The following ANPEP variants were observed in gnomAD, a reference collection of about 807,000 sequenced individuals.
ANPEP encodes aminopeptidase N.
ANPEP carries 70 observed loss-of-function variants against 114.6 expected under a neutral mutation model. That is an observed-to-expected ratio of 0.61 (90% CI 0.50 to 0.75). ANPEP has a LOEUF of 0.75. Among genes scored for constraint, ANPEP ranks in the 30% least tolerant of loss-of-function variants. The pLI, the probability that ANPEP is intolerant of heterozygous loss-of-function variation, is 0.00. For synonymous variants in ANPEP, 548 were observed against 522.3 expected, an observed-to-expected ratio of 1.05 and a Z score of -0.67; for missense variants, 1,184 against 1,259.5, an observed-to-expected ratio of 0.94 and a Z score of 0.91.
intron 20 of ANPEP, 25 bp from the exon 21 acceptor site, chr15:89,785,526 A>G (rs976333861): frequency 2.5e-5 from 40 of 1,586,656 alleles, no homozygotes; most frequent in Non-Finnish European, 3.4e-5. Context: ...AAAGATTCTC[A>G]GTCCGGCTGG....
At chr15:89,792,860 G>C (rs1206520291) in intron 16 of ANPEP, among the ~76,000 whole-genome samples, 175 bp downstream of exon 16, 1 of 152,206 alleles carries the variant, frequency 6.6e-6, no homozygotes, top group Non-Finnish European at 1.5e-5. Flanking sequence ...AAAGAGGTCC[G>C]ATGGGCCCTC....
intron 20 of ANPEP, among the ~76,000 whole-genome samples, chr15:89,786,386 C>CTTTTTTTT (rs57614547): frequency 6.1e-5 from 8 of 130,556 alleles, no homozygotes; most frequent in African/African-American, 1.8e-4. Context: ...ATTTTAACTA[C>CTTTTTTTT]TTTTTTTTTT....
intron 18 of ANPEP, 78 bp downstream of exon 18, chr15:89,792,082 G>A: frequency 6.6e-7 from 1 of 1,517,492 alleles, no homozygotes; most frequent in Non-Finnish European, 9.0e-7. Flanking sequence ...TGAAGGATCT[G>A]GCGAGGAGTG....
At chr15:89,787,498 A>G (rs575029910) in intron 20 of ANPEP, among the ~76,000 whole-genome samples, 1,797 of 152,358 alleles carry the variant, frequency 0.012, 34 homozygotes, top group African/African-American at 0.041. Flanking sequence ...GGGAAAAAAA[A>G]CAGATAAATA....
intron 4 of ANPEP, 144 bp downstream of exon 4, chr15:89,804,934 C>A (rs1387341780): frequency 3.3e-6 from 4 of 1,215,872 alleles, no homozygotes; most frequent in Non-Finnish European, 4.6e-6. Context: ...AACCAGAGAA[C>A]AAGACACTTG....
intron 1 of ANPEP, among the ~76,000 whole-genome samples, chr15:89,814,020 T>C (rs914178564): frequency 6.8e-6 from 1 of 147,348 alleles, no homozygotes; most frequent in African/African-American, 2.6e-5. Context: ...CTGGAGTCAT[T>C]TGGGGAAAGG....
rs1417840848 is a variant in ANPEP at position 89,803,850 on chromosome 15, C to T, written c.1293+39G>A. The T allele has an allele frequency of 1.2e-6, 2 of 1,613,786 alleles. No individual in the cohort carries two copies. The highest frequency in any genetic ancestry group is 2.2e-5 in the South Asian group (2 of 91,050). On this transcript the variant is annotated intron_variant, in intron 7 of 20. Coordinates refer to ENST00000300060, the MANE Select transcript of ANPEP (RefSeq NM_001150.3). This position sits in a 1 kb window ranked among gnomAD's most constrained non-coding sequence, Gnocchi z 4.2. ...TGGTAGCGGTGGCCCAGGTCTCCCT[C>T]CATGCCCCCCGCACCAGACCCCTGG...
chr15:89,813,512 G>A (rs542812482), intron 1 of ANPEP, among the ~76,000 whole-genome samples: 2 of 152,162 alleles, frequency 1.3e-5, no homozygotes, highest in Non-Finnish European at 2.9e-5. Context: ...TGCACTCATA[G>A]TGTGGCCTTC....
At chr15:89,810,526 G>T (rs564230751) in intron 1 of ANPEP, among the ~76,000 whole-genome samples, 2 of 152,004 alleles carry the variant, frequency 1.3e-5, no homozygotes, top group Admixed American at 6.6e-5. Flanking sequence ...GGCGGAGATC[G>T]TGCCACTACA....
intron 1 of ANPEP, among the ~76,000 whole-genome samples, chr15:89,811,556 G>A (rs1894815637): frequency 6.6e-6 from 1 of 151,350 alleles, no homozygotes; most frequent in South Asian, 2.1e-4. Flanking sequence ...TGAGGCAGGA[G>A]AATGGCATGA....
In ANPEP at chr15:89,805,450, TA is replaced by T; in HGVS notation, c.627del (p.Thr210HisfsTer20). On this transcript the variant is annotated frameshift_variant, in exon 3 of 21. Transcript: ENST00000300060. LOFTEE classifies it high-confidence loss of function. ...MEGNVRKVVA[T>X]TQMQAADARK... ...CGGGCATCTGCAGCCTGCATCTGTG[TA>T]GTGGCCACCACCCTGCCCCAACAGG... is the stretch of plus-strand genomic sequence containing the variant. 6.2e-7 allele frequency: 1 copy of T among 1,614,076 alleles called. No homozygotes were observed. The highest frequency in any genetic ancestry group is 8.5e-7 in the Non-Finnish European group (1 of 1,179,990).
chr15:89,787,040 CTTTTTTT>C (rs1015822999), intron 20 of ANPEP, among the ~76,000 whole-genome samples: 5 of 91,064 alleles, frequency 5.5e-5, no homozygotes, highest in Admixed American at 1.5e-4. Flanking sequence ...TAATAAAACT[CTTTTTTT>C]TTTTTTTTTT....
At chr15:89,813,445 G>A (rs1381517316) in intron 1 of ANPEP, among the ~76,000 whole-genome samples, 1 of 152,224 alleles carries the variant, frequency 6.6e-6, no homozygotes, top group Non-Finnish European at 1.5e-5. Flanking sequence ...GCTGCCTCAA[G>A]ACACTGGGCC....
chr15:89,803,411 C>T lies in ANPEP; in HGVS notation c.1503+31G>A. On this transcript the variant is annotated intron_variant, in intron 9 of 20. Coordinates refer to ENST00000300060, the MANE Select transcript of ANPEP (RefSeq NM_001150.3). This position sits in a 1 kb window ranked among gnomAD's most constrained non-coding sequence, Gnocchi z 4.2. ...GGGCGAGGGGCAGAAGGAGACCCAC[C>T]CTCATGGCTGGCCCAGGGTGCAGTA... The T allele has an allele frequency of 6.2e-7, 1 of 1,611,442 alleles. No individual in the cohort carries two copies.
rs1249395554 is a variant in ANPEP, at chr15:89,804,383, T to C, written c.1049A>G (p.Asn350Ser). Residue 350 changes from asparagine (N) to serine (S), a missense_variant, in exon 6 of 21, where the codon AAC (asparagine) becomes AGC (serine). By Grantham distance (46) the Asn-to-Ser change is conservative. Coordinates refer to ENST00000300060, the MANE Select transcript of ANPEP (RefSeq NM_001150.3). The stretch of plus-strand genomic sequence containing the variant: ...TCCCCAGTTCTCCATGGCGCCGGCG[T>C]TGAAGTCTGGCAGGCCAATCTGGTC... ...KSDQIGLPDFNAGAMENWGLV... is the reference protein window; with the variant it reads ...KSDQIGLPDFSAGAMENWGLV... 1.9e-6 allele frequency: 3 copies of C among 1,614,182 alleles called. No individual in the cohort carries two copies. Among genetic ancestry groups the C allele is most frequent in the African/African-American group, 1.3e-5 (1 of 75,040 alleles).
chr15:89,807,979 A>G (rs1344800187), intron 1 of ANPEP, among the ~76,000 whole-genome samples: 2 of 152,138 alleles, frequency 1.3e-5, no homozygotes, highest in East Asian at 1.9e-4. Flanking sequence ...CAGCGCCCCT[A>G]TGGACTCCCT....
rs150540625 is a variant in ANPEP, at chr15:89,798,558, A to C, written c.2009+702T>G. 5.1e-3 allele frequency among the ~76,000 whole-genome samples: 777 copies of C among 151,282 alleles called. 5 individuals carry two copies. The highest frequency in any genetic ancestry group is 9.0e-3 in the Non-Finnish European group (608 of 67,846). ...AGGCCGAGAAGGGAGAATCGCTTGAATCTAGGAGGCAGAGGTCGTAGTGAG... is the reference window on the plus strand; with the variant it reads ...AGGCCGAGAAGGGAGAATCGCTTGACTCTAGGAGGCAGAGGTCGTAGTGAG... On this transcript the variant is annotated intron_variant, in intron 14 of 20. Coordinates refer to ENST00000300060, the MANE Select transcript of ANPEP (RefSeq NM_001150.3).
At chr15:89,790,932 A>T in intron 19 of ANPEP, 21 bp downstream of exon 19, 1 of 1,612,606 alleles carries the variant, frequency 6.2e-7, no homozygotes, top group Non-Finnish European at 8.5e-7. Flanking sequence ...GCTGTCCCTG[A>T]CACCCATTCC....
At position 89,799,196 on chromosome 15, in the gene ANPEP, T is replaced by C. The variant is rs373894324; in HGVS notation, c.2009+64A>G. On this transcript the variant is annotated intron_variant, in intron 14 of 20. Transcript: ENST00000300060. This position sits in a 1 kb window ranked among gnomAD's most constrained non-coding sequence, Gnocchi z 4.2. ...GCAGCAGGAGGAGCAGGGGCCCTCA[T>C]TGTGGACTCAGACTTGCTGAAGTCA... 2.7e-4 allele frequency: 427 copies of C among 1,590,136 alleles called. 5 individuals carry two copies. In the East Asian group the frequency reaches 7.0e-3, roughly 26 times the overall value.
Sources: allele counts gnomAD v4.1 joint callset (sites outside exome capture counted in the v4.1 genomes callset), GRCh38; gene constraint gnomAD v4.1.1; non-coding constraint Gnocchi (gnomAD v3.1); transcripts MANE v1.5; gene names NCBI Gene and HGNC (gene_info 2026-07-23, HGNC 2026-07-21).